FAM240A: variants seen among roughly 807,000 people sequenced by gnomAD.
FAM240A encodes protein FAM240A.
In FAM240A, 8 loss-of-function variants were observed where a neutral mutation model predicts 7.3. The observed-to-expected ratio is 1.09, with a 90% CI of 0.64 to 1.97. The LOEUF (loss-of-function observed/expected upper bound fraction) is 1.97. Among genes scored for constraint, FAM240A ranks in the 30% most tolerant of loss-of-function variants. FAM240A has a pLI of 0.00. For synonymous variants in FAM240A, 32 were observed against 35.9 expected (o/e 0.89, Z 0.38); for missense variants, 90 against 102.2 (o/e 0.88, Z 0.52).
At chr3:46,614,406 T>C (rs1282526397) in intron 1 of FAM240A, among the ~76,000 whole-genome samples, 1 of 152,236 alleles carries the variant, frequency 6.6e-6, no homozygotes, top group African/African-American at 2.4e-5. Flanking sequence ...AAAAGTGAAA[T>C]GCATTTTTTC....
intron 2 of FAM240A, among the ~76,000 whole-genome samples, chr3:46,619,706 G>A (rs902977880): frequency 3.9e-5 from 6 of 152,290 alleles, no homozygotes; most frequent in Admixed American, 1.3e-4. Context: ...TTGGCAGCCC[G>A]CACTCTGAGG....
intron 1 of FAM240A, among the ~76,000 whole-genome samples, chr3:46,613,766 G>A (rs1575383889): frequency 6.6e-6 from 1 of 152,138 alleles, no homozygotes. Context: ...CCAGGTCAGG[G>A]CACCCTCCTT....
At chr3:46,620,286 A>G in intron 2 of FAM240A, among the ~76,000 whole-genome samples, 1 of 149,388 alleles carries the variant, frequency 6.7e-6, no homozygotes, top group East Asian at 2.0e-4. Flanking sequence ...CTCCTGGACT[A>G]CAGCTCCTGC....
chr3:46,613,143 A>C (rs1376037215), intron 1 of FAM240A, among the ~76,000 whole-genome samples: 2 of 152,340 alleles, frequency 1.3e-5, no homozygotes, highest in South Asian at 4.1e-4. Context: ...TCACTCATAT[A>C]AAATGTAGAG....
intron 2 of FAM240A, among the ~76,000 whole-genome samples, chr3:46,618,882 T>C (rs4006056): frequency 0.28 from 21,277 of 77,084 alleles, 2,574 homozygotes; most frequent in African/African-American, 0.47. Context: ...TATATATATA[T>C]ACACACACAC....
At chr3:46,621,701 G>A (rs943700195) in intron 2 of FAM240A, among the ~76,000 whole-genome samples, 6 of 151,950 alleles carry the variant, frequency 3.9e-5, no homozygotes, top group East Asian at 1.9e-4. Context: ...CTTGAGCCTC[G>A]GGAGGTCGAG....
At chr3:46,623,761 T>C (rs150084526) in intron 2 of FAM240A, among the ~76,000 whole-genome samples, 48 of 152,340 alleles carry the variant, frequency 3.2e-4, no homozygotes, top group African/African-American at 1.2e-3. Context: ...ACCTATTTTG[T>C]CTTCATATTT....
intron 2 of FAM240A, among the ~76,000 whole-genome samples, chr3:46,620,235 C>G (rs573486011): frequency 5.1e-4 from 78 of 151,540 alleles, no homozygotes; most frequent in Middle Eastern, 3.4e-3. Flanking sequence ...TCCCCACACC[C>G]TTCCTGCCCT....
Position 46,622,333 on chromosome 3 carries a change from T to C in FAM240A, c.162-2795T>C, listed in dbSNP as rs375531337. On this transcript the variant is annotated intron_variant, in intron 2 of 2. Transcript: ENST00000640551. ...GTGTTAGCCAGGATGGTCTCAATCT[T>C]CTGACCTCGTGATCTGCCCGCCTCG... 1.8e-3 allele frequency among the ~76,000 whole-genome samples: 274 copies of C among 151,912 alleles called. 2 individuals are homozygous for C. The highest frequency in any genetic ancestry group is 6.2e-3 in the African/African-American group (258 of 41,424).
intron 1 of FAM240A, among the ~76,000 whole-genome samples, chr3:46,616,218 C>A (rs1385164973): frequency 1.3e-5 from 2 of 152,234 alleles, no homozygotes; most frequent in Admixed American, 6.5e-5. Context: ...CTGAGGCCAC[C>A]ATTGTCCTCC....
intron 1 of FAM240A, among the ~76,000 whole-genome samples, chr3:46,613,524 T>TAAAA (rs1489200024): frequency 6.6e-6 from 1 of 151,328 alleles, no homozygotes; most frequent in African/African-American, 2.4e-5. Context: ...AATAAATAAA[T>TAAAA]AAAAAACAAG....
intron 2 of FAM240A, among the ~76,000 whole-genome samples, chr3:46,624,264 A>ATTTTTTTTTT (rs59290700): frequency 3.1e-5 from 3 of 96,494 alleles, no homozygotes; most frequent in African/African-American, 4.4e-5. Context: ...ACGGTGGGCT[A>ATTTTTTTTTT]TTTTTTTTTT....
intron 1 of FAM240A, among the ~76,000 whole-genome samples, chr3:46,615,461 G>C (rs916521241): frequency 6.6e-6 from 1 of 151,930 alleles, no homozygotes; most frequent in Non-Finnish European, 1.5e-5. Context: ...TGCCCCTCCC[G>C]TCCTGGTCAC....
At chr3:46,617,429 T>C in intron 2 of FAM240A, 101 bp downstream of exon 2, 1 of 1,050,722 alleles carries the variant, frequency 9.5e-7, no homozygotes, top group South Asian at 2.1e-5. Context: ...GAGCAGAAGG[T>C]ACTAAGAGTT....
chr3:46,614,773 A>G (rs546546013), intron 1 of FAM240A, among the ~76,000 whole-genome samples: 7 of 152,338 alleles, frequency 4.6e-5, no homozygotes, highest in South Asian at 2.1e-4. Context: ...TGGCCAACAG[A>G]CCAAGGATAG....
chr3:46,616,295 C>A (rs1480610953), intron 1 of FAM240A, among the ~76,000 whole-genome samples: 2 of 152,190 alleles, frequency 1.3e-5, no homozygotes, highest in Non-Finnish European at 2.9e-5. Context: ...GATGCCTATA[C>A]CCTGCAGAGT....
At chr3:46,618,776 G>A (rs1341330993) in intron 2 of FAM240A, among the ~76,000 whole-genome samples, 1 of 151,618 alleles carries the variant, frequency 6.6e-6, no homozygotes, top group Non-Finnish European at 1.5e-5. Context: ...GGAGGCAGAG[G>A]TTGTGGTGAG....
In FAM240A at chr3:46,616,636, G is replaced by A. The variant is rs116248510; in HGVS notation, c.16-547G>A. Among the ~76,000 whole-genome samples, 867 of 151,578 alleles carry A rather than the reference G, an allele frequency of 5.7e-3. 4 individuals are homozygous for A. Among genetic ancestry groups the A allele is most frequent in the Non-Finnish European group, 9.5e-3 (644 of 67,936 alleles). On this transcript the variant is annotated intron_variant, in intron 1 of 2. Coordinates refer to ENST00000640551, the MANE Select transcript of FAM240A (RefSeq NM_001195442.2). ...AGGATAATGGCTTCCAGTTCCATCC[G>A]AGTTGCTGCAAAAGACATTATTTTG... is the stretch of plus-strand genomic sequence containing the variant.
intron 1 of FAM240A, among the ~76,000 whole-genome samples, chr3:46,614,985 T>A (rs530700553): frequency 1.5e-4 from 23 of 152,334 alleles, no homozygotes; most frequent in East Asian, 1.3e-3. Flanking sequence ...TTATATTTAT[T>A]CAGAACTTTA....
Sources: gnomAD v4.1 joint callset for allele counts (sites outside exome capture counted in the v4.1 genomes callset) on GRCh38, gnomAD v4.1.1 for gene constraint, MANE v1.5 for transcripts, NCBI Gene and HGNC (gene_info 2026-07-23, HGNC 2026-07-21) for gene names.